The following PASK variants were observed in gnomAD, a reference collection of about 807,000 sequenced individuals.
PASK encodes PAS domain-containing serine/threonine-protein kinase.
Under a neutral mutation model 121.0 loss-of-function variants are expected in PASK, and 110 were observed. The ratio of observed to expected loss-of-function variants is 0.91; its 90% confidence interval spans 0.78 to 1.06. PASK has a LOEUF of 1.06. Ranked by LOEUF, PASK falls within the 50% of genes least tolerant of loss-of-function variation. PASK has a pLI of 0.00. For missense variants in PASK, 1,643 were observed against 1,702.3 expected (o/e 0.97, Z 0.61); for synonymous variants, 686 against 717.8 (o/e 0.96, Z 0.71).
chr2:241,145,203 G>T (rs1317269255), intron 1 of PASK, among the ~76,000 whole-genome samples: 1 of 152,222 alleles, frequency 6.6e-6, no homozygotes, highest in African/African-American at 2.4e-5. Flanking sequence ...GTGAGCCACC[G>T]CGCCCGGCCG....
intron 1 of PASK, among the ~76,000 whole-genome samples, chr2:241,148,925 G>A (rs866776162): frequency 6.6e-6 from 1 of 152,034 alleles, no homozygotes; most frequent in South Asian, 2.1e-4. Flanking sequence ...AAAAAATTAA[G>A]GCTCAAGTCC....
At position 241,136,107 on chromosome 2, in the gene PASK, G is replaced by C; in HGVS notation, c.1138-68C>G. The C allele has an allele frequency of 5.1e-6, 7 of 1,384,420 alleles. No individual in the cohort carries two copies. In the Admixed American group the frequency reaches 1.0e-4, roughly 20 times the overall value. 85.8% of individuals were successfully genotyped at this position (1,384,420 alleles called of 1,614,324 possible). On this transcript the variant is annotated intron_variant, in intron 7 of 17. Coordinates refer to ENST00000234040, the MANE Select transcript of PASK (RefSeq NM_015148.4). ...CGCTGACCCACTGGACCGTCCCCCTGGGGGAGGAATGAACACAAGGAGAGC... is the reference window on the plus strand; with the variant it reads ...CGCTGACCCACTGGACCGTCCCCCTCGGGGAGGAATGAACACAAGGAGAGC...
At chr2:241,113,040 C>T (rs1471465295) in intron 14 of PASK, among the ~76,000 whole-genome samples, 1 of 152,220 alleles carries the variant, frequency 6.6e-6, no homozygotes, top group Non-Finnish European at 1.5e-5. Flanking sequence ...AAAGCAGTTA[C>T]ACTGGAAACG....
At chr2:241,135,759 T>C (rs970314179) in intron 8 of PASK, 112 bp downstream of exon 8, 8 of 1,009,890 alleles carry the variant, frequency 7.9e-6, no homozygotes, top group East Asian at 2.4e-5. Context: ...CCACCACCCC[T>C]GAGCCTCTGG....
At chr2:241,120,169 T>C (rs2065543789) in intron 12 of PASK, among the ~76,000 whole-genome samples, 1 of 152,130 alleles carries the variant, frequency 6.6e-6, no homozygotes, top group Admixed American at 6.5e-5. Flanking sequence ...TACAATTTAA[T>C]AATAAAAAGA....
intron 3 of PASK, 103 bp downstream of exon 3, chr2:241,140,418 C>A (rs1421466032): frequency 2.2e-6 from 2 of 904,980 alleles, no homozygotes; most frequent in East Asian, 5.3e-5. Flanking sequence ...TCCCGAAGTG[C>A]CCAAATGTTT....
At position 241,115,030 on chromosome 2, in the gene PASK, G is replaced by A; in HGVS notation, c.3333+13C>T. 1.2e-6 allele frequency: 2 copies of A among 1,614,108 alleles called. No individual in the cohort carries two copies. Among genetic ancestry groups the A allele is most frequent in the Non-Finnish European group, 1.7e-6 (2 of 1,179,982 alleles). On this transcript the variant is annotated intron_variant, in intron 14 of 17. Transcript: ENST00000234040. ...CCTGCGTTCACACTAACACGGCTCT[G>A]GCCTGCTCTCACTTGTCGGAAGATG...
At position 241,143,978 on chromosome 2, in the gene PASK, G is replaced by A. The variant is rs190570091; in HGVS notation, c.-42-904C>T. ...ACAGGAAAATCTCACATACTCTTCC[G>A]AGTTCCCTCTCATGGTGACATCTTA... On this transcript the variant is annotated intron_variant, in intron 1 of 17. Transcript: ENST00000234040. 2.1e-3 allele frequency among the ~76,000 whole-genome samples: 319 copies of A among 152,332 alleles called. 1 individual carries two copies. The highest frequency in any genetic ancestry group is 3.5e-3 in the South Asian group (17 of 4,830).
rs980777013 is a variant in PASK, at chr2:241,117,134, C to T, written c.3073-1721G>A. On this transcript the variant is annotated intron_variant, in intron 12 of 17. Coordinates refer to ENST00000234040, the MANE Select transcript of PASK (RefSeq NM_015148.4). ...CATCGGGAGGGCATCGGGGCCAGGGCGGGAGCAGGAAGAATCATCGGAGCC... is the reference window on the plus strand; with the variant it reads ...CATCGGGAGGGCATCGGGGCCAGGGTGGGAGCAGGAAGAATCATCGGAGCC... Among the ~76,000 whole-genome samples the T allele has an allele frequency of 5.3e-5, 8 of 152,036 alleles. 1 individual carries two copies. The South Asian group carries it at 1.5e-3, about 28-fold the overall frequency.
chr2:241,122,943 C>G, intron 11 of PASK, 44 bp from the exon 12 acceptor site: 1 of 1,596,342 alleles, frequency 6.3e-7, no homozygotes, highest in Admixed American at 1.7e-5. Context: ...GCAACTGCAC[C>G]GGGCAGAGGT....
At chr2:241,124,202 A>G (rs966436024) in intron 10 of PASK, 69 bp from the exon 11 acceptor site, 3 of 1,307,550 alleles carry the variant, frequency 2.3e-6, no homozygotes, top group African/African-American at 2.9e-5. Context: ...TTAGGTTAGA[A>G]AAGTCCAGTC....
chr2:241,123,544 G>A (rs1321093479), intron 11 of PASK, among the ~76,000 whole-genome samples: 2 of 152,018 alleles, frequency 1.3e-5, no homozygotes, highest in African/African-American at 4.8e-5. Context: ...AGGGCCAGGC[G>A]CAATGGCTCA....
intron 14 of PASK, chr2:241,114,738 T>C: frequency 7.2e-7 from 1 of 1,381,460 alleles, no homozygotes; most frequent in Non-Finnish European, 9.3e-7. Context: ...TCCTAACCCT[T>C]ACTGGTTAAT....
intron 1 of PASK, among the ~76,000 whole-genome samples, chr2:241,145,469 T>C (rs2066910085): frequency 6.6e-6 from 1 of 152,008 alleles, no homozygotes; most frequent in Admixed American, 6.6e-5. Context: ...CCAAATAAAA[T>C]ATAAAATAAA....
At chr2:241,135,224 GA>G (rs2066350531) in intron 8 of PASK, among the ~76,000 whole-genome samples, 1 of 152,186 alleles carries the variant, frequency 6.6e-6, no homozygotes, top group Admixed American at 6.5e-5. Context: ...AACTATGTGG[GA>G]TAAACATAAT....
chr2:241,126,483 C>G lies in PASK; in HGVS notation c.2432G>C (p.Arg811Pro). The change falls in exon 10 of 18, where the codon CGA (arginine) becomes CCA (proline). Residue 811 changes from arginine to proline, a missense_variant. Arg to Pro is a moderately radical substitution (Grantham distance 103). Around this residue, in one of 3 missense-constraint regions of PASK, gnomAD observed 1,176 missense variants for 1,162.2 expected, o/e 1.01. Coordinates refer to ENST00000234040, the MANE Select transcript of PASK (RefSeq NM_015148.4). The part of the protein sequence containing the change: ...TGTCVDLGQG[R>P]RFRESCVGHD... ...TCCCACACAGCTCTCCCGGAACCGTCGGCCTTGGCCAAGGTCAACACAGGT... is the reference window on the plus strand; with the variant it reads ...TCCCACACAGCTCTCCCGGAACCGTGGGCCTTGGCCAAGGTCAACACAGGT... The G allele has an allele frequency of 1.2e-6, 2 of 1,614,220 alleles. No individual in the cohort carries two copies. Among genetic ancestry groups the G allele is most frequent in the African/African-American group, 1.3e-5 (1 of 75,066 alleles).
chr2:241,107,942 T>A (rs1215349131), intron 16 of PASK, among the ~76,000 whole-genome samples: 2 of 152,198 alleles, frequency 1.3e-5, no homozygotes, highest in African/African-American at 2.4e-5. Context: ...TGACTGCAAG[T>A]GTGTTTCTCA....
chr2:241,139,608 C>T (rs1183369576), intron 4 of PASK: 2 of 666,324 alleles, frequency 3.0e-6, no homozygotes, highest in African/African-American at 3.5e-5. Flanking sequence ...GAAGCTACAG[C>T]CCTCAGACAA....
chr2:241,126,576 T>C lies in PASK; in HGVS notation c.2339A>G (p.Asp780Gly), dbSNP rs151273822. Residue 780 changes from aspartate to glycine, a missense_variant, in exon 10 of 18, where the codon GAT (aspartate) becomes GGT (glycine). Transcript: ENST00000234040. ...CCCCTGTTCCTGGAGACTGCCTACATCTGGATCGGAGCCCACTGCCAAGGA... is the reference window on the plus strand; with the variant it reads ...CCCCTGTTCCTGGAGACTGCCTACACCTGGATCGGAGCCCACTGCCAAGGA... ...PSSLAVGSDP[D>G]VGSLQEQGSC... 2 of 1,614,248 alleles carry C rather than the reference T, an allele frequency of 1.2e-6. No homozygotes were observed. Among genetic ancestry groups the C allele is most frequent in the Admixed American group, 1.7e-5 (1 of 60,032 alleles).
Sources: gnomAD v4.1 joint callset for allele counts (sites outside exome capture counted in the v4.1 genomes callset) on GRCh38, gnomAD v4.1.1 for gene constraint, gnomAD v4.1.1 regional missense constraint, MANE v1.5 for transcripts, NCBI Gene and HGNC (gene_info 2026-07-23, HGNC 2026-07-21) for gene names.